The following GRID1 variants were observed in gnomAD, a reference collection of about 807,000 sequenced individuals.
GRID1 encodes glutamate ionotropic receptor delta type subunit 1.
In GRID1, 28 loss-of-function variants were observed where a neutral mutation model predicts 98.0. The observed-to-expected ratio is 0.29, with a 90% CI of 0.21 to 0.39. The LOEUF (loss-of-function observed/expected upper bound fraction) is 0.39. GRID1 is among the 10% of genes least tolerant of loss of function. GRID1 has a pLI of 1.00. For missense variants in GRID1, 1,111 were observed against 1,340.5 expected, an observed-to-expected ratio of 0.83 and a Z score of 2.67; for synonymous variants, 553 against 538.5, an observed-to-expected ratio of 1.03 and a Z score of -0.37.
intron 7 of GRID1, 98 bp downstream of exon 7, chr10:85,855,931 C>T (rs2131781434): frequency 7.3e-6 from 8 of 1,098,100 alleles, no homozygotes; most frequent in East Asian, 7.1e-5. Context: ...GGCAGCCACA[C>T]AGAGCCTAGC....
chr10:85,783,179 C>CG (rs1842395894), intron 8 of GRID1, among the ~76,000 whole-genome samples: 2 of 152,110 alleles, frequency 1.3e-5, no homozygotes, highest in South Asian at 4.1e-4. Context: ...GACTGTCTCC[C>CG]GGGGGATCAT....
At position 86,352,352 on chromosome 10, in the gene GRID1, G is replaced by A. The variant is rs149984883; in HGVS notation, c.235+11589C>T. 3.2e-3 allele frequency among the ~76,000 whole-genome samples: 483 copies of A among 152,296 alleles called. 1 individual carries two copies. Among genetic ancestry groups the A allele is most frequent in the African/African-American group, 0.011 (452 of 41,556 alleles). On this transcript the variant is annotated intron_variant, in intron 2 of 15. Transcript: ENST00000327946. ...GTTTGCTCACAGCCCTTCCCCTCCTGTCTTAGTCTGCTCTGGCTGCTAAAA... is the reference window on the plus strand; with the variant it reads ...GTTTGCTCACAGCCCTTCCCCTCCTATCTTAGTCTGCTCTGGCTGCTAAAA...
At chr10:86,300,290 A>G (rs1333040159) in intron 2 of GRID1, among the ~76,000 whole-genome samples, 3 of 151,684 alleles carry the variant, frequency 2.0e-5, no homozygotes, top group Non-Finnish European at 4.4e-5. Context: ...GTTTGTGGAA[A>G]TTTGATATGG....
intron 8 of GRID1, among the ~76,000 whole-genome samples, chr10:85,771,869 A>G (rs562009645): frequency 9.8e-5 from 15 of 152,320 alleles, no homozygotes; most frequent in Middle Eastern, 3.4e-3. Flanking sequence ...ACACAATAAC[A>G]GTGGGAGACT....
At chr10:85,676,225 C>A (rs999700792) in intron 12 of GRID1, among the ~76,000 whole-genome samples, 2 of 152,102 alleles carry the variant, frequency 1.3e-5, no homozygotes, top group African/African-American at 4.8e-5. Context: ...GCTAATGGGG[C>A]AAGGACACTG....
chr10:86,276,635 G>A lies in GRID1; in HGVS notation c.236-69987C>T, dbSNP rs551705614. Among the ~76,000 whole-genome samples, 152 of 151,588 alleles carry A rather than the reference G, an allele frequency of 1.0e-3. 1 individual carries two copies. The highest frequency in any genetic ancestry group is 1.6e-3 in the Non-Finnish European group (111 of 67,904). ...CTCATGCCTCAGCCTCTAGAGTGGC[G>A]CCCACCACCACACCTAGCAAATTTT... On this transcript the variant is annotated intron_variant, in intron 2 of 15. Transcript: ENST00000327946.
intron 2 of GRID1, among the ~76,000 whole-genome samples, chr10:86,297,168 A>G (rs1847605798): frequency 6.6e-6 from 1 of 152,202 alleles, no homozygotes; most frequent in African/African-American, 2.4e-5. Flanking sequence ...TCATTTTGAA[A>G]ATAGATGAGA....
chr10:86,256,388 C>T (rs1399533490), intron 2 of GRID1, among the ~76,000 whole-genome samples: 1 of 152,124 alleles, frequency 6.6e-6, no homozygotes, highest in African/African-American at 2.4e-5. Context: ...TCACTTGAGC[C>T]CAGGAGTCTG....
intron 3 of GRID1, among the ~76,000 whole-genome samples, chr10:86,181,395 T>C (rs144969802): frequency 0.014 from 2,203 of 152,244 alleles, 21 homozygotes; most frequent in Middle Eastern, 0.027. Context: ...TGCAGGTAGG[T>C]TGCCTCTTCC....
chr10:86,251,182 A>G (rs935542041), intron 2 of GRID1, among the ~76,000 whole-genome samples: 2 of 151,494 alleles, frequency 1.3e-5, no homozygotes, highest in African/African-American at 4.9e-5. Flanking sequence ...CCTAATCTCA[A>G]CTACCCAGGG....
At chr10:85,988,541 A>G (rs1020636487) in intron 4 of GRID1, among the ~76,000 whole-genome samples, 2 of 152,148 alleles carry the variant, frequency 1.3e-5, no homozygotes, top group African/African-American at 4.8e-5. Context: ...CCCTGGGCCT[A>G]GGGGGACTAG....
chr10:86,244,428 C>T (rs1309563671), intron 2 of GRID1, among the ~76,000 whole-genome samples: 1 of 152,254 alleles, frequency 6.6e-6, no homozygotes, highest in Non-Finnish European at 1.5e-5. Context: ...ATCTGATGCT[C>T]CCGCCCTAAT....
chr10:86,164,180 T>A (rs973851880), intron 3 of GRID1, among the ~76,000 whole-genome samples: 33 of 152,208 alleles, frequency 2.2e-4, no homozygotes, highest in Non-Finnish European at 4.4e-5. Context: ...ATGACATTTG[T>A]ACTGTAAAAG....
intron 4 of GRID1, among the ~76,000 whole-genome samples, chr10:86,077,647 G>A (rs113376812): frequency 1.3e-5 from 2 of 152,138 alleles, no homozygotes; most frequent in Non-Finnish European, 1.5e-5. Flanking sequence ...ATTCGTGTGC[G>A]TTGAAAGAAA....
intron 8 of GRID1, among the ~76,000 whole-genome samples, chr10:85,846,032 T>C (rs879726225): frequency 1.3e-5 from 2 of 152,132 alleles, no homozygotes; most frequent in Non-Finnish European, 2.9e-5. Flanking sequence ...GATGTGAGTG[T>C]TGTCTGTATG....
chr10:85,858,427 C>G (rs1456476633), intron 6 of GRID1, among the ~76,000 whole-genome samples: 6 of 152,156 alleles, frequency 3.9e-5, no homozygotes, highest in Admixed American at 3.9e-4. Context: ...AACACCATGA[C>G]AGAACTGTGC....
At chr10:86,127,802 T>A (rs1844775522) in intron 4 of GRID1, among the ~76,000 whole-genome samples, 1 of 152,054 alleles carries the variant, frequency 6.6e-6, no homozygotes, top group Non-Finnish European at 1.5e-5. Flanking sequence ...CAGCTCCCCA[T>A]CTCTGAGCCA....
intron 3 of GRID1, among the ~76,000 whole-genome samples, chr10:86,202,169 G>A (rs1019051053): frequency 3.9e-5 from 6 of 152,208 alleles, no homozygotes; most frequent in South Asian, 2.1e-4. Context: ...AAGGACTGCC[G>A]TGCCCTGGAG....
At chr10:85,730,931 A>C (rs1841814842) in intron 8 of GRID1, among the ~76,000 whole-genome samples, 1 of 152,218 alleles carries the variant, frequency 6.6e-6, no homozygotes, top group Non-Finnish European at 1.5e-5. Flanking sequence ...TGCCACAGGC[A>C]GTATATACTG....
Sources: allele counts gnomAD v4.1 joint callset (sites outside exome capture counted in the v4.1 genomes callset), GRCh38; gene constraint gnomAD v4.1.1; transcripts MANE v1.5; gene names NCBI Gene and HGNC (gene_info 2026-07-23, HGNC 2026-07-21).